GAS2: variants seen among roughly 807,000 people sequenced by gnomAD.
GAS2 encodes growth arrest specific 2.
In GAS2, 20 loss-of-function variants were observed where a neutral mutation model predicts 37.5. That is an observed-to-expected ratio of 0.53 (90% CI 0.37 to 0.77). The LOEUF (loss-of-function observed/expected upper bound fraction) is 0.77. GAS2 is among the 30% of genes least tolerant of loss of function. GAS2 has a pLI of 0.00. For missense variants in GAS2, 336 were observed against 373.4 expected (o/e 0.90, Z 0.82); for synonymous variants, 144 against 132.2 (o/e 1.09, Z -0.61).
At chr11:22,789,772 G>A (rs963339637) in intron 7 of GAS2, among the ~76,000 whole-genome samples, 2 of 151,588 alleles carry the variant, frequency 1.3e-5, no homozygotes, top group African/African-American at 4.8e-5. Context: ...GCCATGATAT[G>A]TATTTTTAAT....
chr11:22,700,702 T>A (rs1407679580), intron 3 of GAS2, among the ~76,000 whole-genome samples: 2 of 152,216 alleles, frequency 1.3e-5, no homozygotes, highest in African/African-American at 4.8e-5. Flanking sequence ...TTATATCCAA[T>A]GGTTCATTCA....
At chr11:22,748,924 A>G (rs977862355) in intron 5 of GAS2, among the ~76,000 whole-genome samples, 196 bp from the exon 6 acceptor site, 1 of 152,106 alleles carries the variant, frequency 6.6e-6, no homozygotes, top group Admixed American at 6.6e-5. Flanking sequence ...GTATGCATAC[A>G]CAGCAGGTAT....
intron 1 of GAS2, among the ~76,000 whole-genome samples, chr11:22,632,488 C>T (rs904336256): frequency 1.3e-5 from 2 of 152,016 alleles, no homozygotes; most frequent in Admixed American, 6.6e-5. Flanking sequence ...GAATTCTTTT[C>T]TTCACATTGA....
chr11:22,687,838 T>C (rs988188558), intron 3 of GAS2, among the ~76,000 whole-genome samples: 5 of 152,244 alleles, frequency 3.3e-5, no homozygotes, highest in Admixed American at 6.5e-5. Context: ...GCCCAGACTC[T>C]TGAAAGCATT....
rs200121658 is a variant in GAS2 at position 22,734,582 on chromosome 11, CAAATA to C, written c.410-3116_410-3112del. ...GTGAATTAATATTAATCGACTAAAC[CAAATA>C]AAATAATAATGAAAAGAAAAAAATA... On this transcript the variant is annotated intron_variant, in intron 4 of 7. Coordinates refer to ENST00000454584, the MANE Select transcript of GAS2 (RefSeq NM_001143830.3). 5.5e-4 allele frequency among the ~76,000 whole-genome samples: 84 copies of C among 151,480 alleles called. 1 individual carries two copies. In the East Asian group the frequency reaches 0.016, roughly 28 times the overall value.
intron 7 of GAS2, among the ~76,000 whole-genome samples, chr11:22,773,552 C>G (rs567833846): frequency 6.6e-6 from 1 of 151,872 alleles, no homozygotes; most frequent in African/African-American, 2.4e-5. Context: ...CGCCACCATG[C>G]CCGGCTAATA....
At chr11:22,671,521 C>T (rs75718428) in intron 1 of GAS2, among the ~76,000 whole-genome samples, 3,094 of 152,172 alleles carry the variant, frequency 0.02, 117 homozygotes, top group African/African-American at 0.07. Context: ...TTCTTTCTCC[C>T]TAACCTACTG....
chr11:22,637,445 T>G (rs1858847395), intron 1 of GAS2, among the ~76,000 whole-genome samples: 1 of 32,564 alleles, frequency 3.1e-5, no homozygotes, highest in South Asian at 1.6e-3. Context: ...GTATACTTAA[T>G]ATAATATTAA....
chr11:22,725,155 A>G (rs1307787079), intron 3 of GAS2, among the ~76,000 whole-genome samples: 1 of 152,100 alleles, frequency 6.6e-6, no homozygotes, highest in Non-Finnish European at 1.5e-5. Flanking sequence ...TGTCATGGAA[A>G]TAATTTATTT....
chr11:22,791,592 T>C (rs1242210123), intron 7 of GAS2, among the ~76,000 whole-genome samples: 2 of 152,310 alleles, frequency 1.3e-5, no homozygotes, highest in East Asian at 3.9e-4. Flanking sequence ...GATCTCACTA[T>C]AATAAACTGG....
At chr11:22,744,994 A>C (rs1276529843) in intron 5 of GAS2, among the ~76,000 whole-genome samples, 1 of 152,054 alleles carries the variant, frequency 6.6e-6, no homozygotes, top group Non-Finnish European at 1.5e-5. Flanking sequence ...ACAAAGGAAG[A>C]ACCAATATCA....
intron 3 of GAS2, among the ~76,000 whole-genome samples, 153 bp downstream of exon 3, chr11:22,685,942 A>G (rs1224174554): frequency 6.6e-6 from 1 of 152,250 alleles, no homozygotes; most frequent in African/African-American, 2.4e-5. Flanking sequence ...ATTAGGTAAC[A>G]TGTTATTTGC....
At chr11:22,650,902 C>A (rs909676923) in intron 1 of GAS2, among the ~76,000 whole-genome samples, 1 of 150,716 alleles carries the variant, frequency 6.6e-6, no homozygotes, top group Non-Finnish European at 1.5e-5. Flanking sequence ...TTAATTGGAG[C>A]ATTTAGTCCA....
At chr11:22,754,632 T>G (rs1853926781) in intron 6 of GAS2, among the ~76,000 whole-genome samples, 1 of 152,100 alleles carries the variant, frequency 6.6e-6, no homozygotes, top group Admixed American at 6.6e-5. Context: ...ATTCTTCTAT[T>G]GTCTTATGCT....
intron 1 of GAS2, among the ~76,000 whole-genome samples, chr11:22,652,065 C>G (rs904586119): frequency 6.6e-6 from 1 of 152,160 alleles, no homozygotes; most frequent in African/African-American, 2.4e-5. Flanking sequence ...TACTTTTAGT[C>G]TTTGATGATG....
intron 2 of GAS2, among the ~76,000 whole-genome samples, chr11:22,682,888 G>GAAAAAAAAAAAAAAAAAAGA (rs57025584): frequency 1.6e-4 from 16 of 102,318 alleles, no homozygotes; most frequent in Non-Finnish European, 3.1e-4. Flanking sequence ...AAAAAAAAAG[G>GAAAAAAAAAAAAAAAAAAGA]AAAAAAAAAA....
In GAS2 at chr11:22,811,806, C is replaced by A; in HGVS notation, c.732C>A (p.His244Gln). The A allele has an allele frequency of 6.2e-7, 1 of 1,613,944 alleles. No homozygotes were observed. The highest frequency in any genetic ancestry group is 8.5e-7 in the Non-Finnish European group (1 of 1,179,904). Residue 244 changes from histidine (H) to glutamine (Q), a missense_variant, in exon 8 of 8, where the codon CAC (histidine) becomes CAA (glutamine). By Grantham distance (24) the His-to-Gln change is conservative (BLOSUM62 0). Transcript: ENST00000454584. ...ATATTTTTTCATTTCAGATGCTGCACAACAAACATGTCATGGTCCGTGTGG... is the reference window on the plus strand; with the variant it reads ...ATATTTTTTCATTTCAGATGCTGCAAAACAAACATGTCATGGTCCGTGTGG... ...GEKILFIRML[H>Q]NKHVMVRVGG... is the part of the protein sequence containing the mutation.
chr11:22,742,250 T>C (rs941234266), intron 5 of GAS2, among the ~76,000 whole-genome samples: 1 of 152,136 alleles, frequency 6.6e-6, no homozygotes, highest in African/African-American at 2.4e-5. Context: ...TGACCCTTAA[T>C]TAGTTTGAGA....
chr11:22,778,869 C>A (rs1183434070), intron 7 of GAS2, among the ~76,000 whole-genome samples: 2 of 152,042 alleles, frequency 1.3e-5, no homozygotes, highest in East Asian at 3.9e-4. Flanking sequence ...AAACAGAATT[C>A]TGAGAAGGCA....
Sources: gnomAD v4.1 joint callset for allele counts (sites outside exome capture counted in the v4.1 genomes callset) on GRCh38, gnomAD v4.1.1 for gene constraint, MANE v1.5 for transcripts, NCBI Gene and HGNC (gene_info 2026-07-23, HGNC 2026-07-21) for gene names.